The following SLC24A2 variants were observed in gnomAD, a reference collection of about 807,000 sequenced individuals.
SLC24A2 encodes the protein solute carrier family 24 member 2, also known as sodium/potassium/calcium exchanger 2.
A neutral mutation model predicts 62.0 loss-of-function variants in SLC24A2; 36 were observed. The observed-to-expected ratio is 0.58, with a 90% CI of 0.44 to 0.77. The LOEUF (loss-of-function observed/expected upper bound fraction) is 0.77. Among genes scored for constraint, SLC24A2 ranks in the 30% least tolerant of loss-of-function variants. The pLI, the probability that SLC24A2 is intolerant of heterozygous loss-of-function variation, is 0.00. For synonymous variants in SLC24A2, 358 were observed against 294.0 expected (o/e 1.22, Z -2.23); for missense variants, 846 against 817.9 (o/e 1.03, Z -0.42).
At chr9:19,756,481 T>C (rs1172035653) in intron 2 of SLC24A2, among the ~76,000 whole-genome samples, 1 of 152,238 alleles carries the variant, frequency 6.6e-6, no homozygotes, top group Admixed American at 6.5e-5. Context: ...CATGAGTGTA[T>C]TAATTTTCTA....
intron 7 of SLC24A2, among the ~76,000 whole-genome samples, chr9:19,559,835 C>G (rs911484576): frequency 6.6e-6 from 1 of 152,186 alleles, no homozygotes; most frequent in African/African-American, 2.4e-5. Flanking sequence ...TTAGTGGGAT[C>G]AGCATACTAA....
rs1036712538 is a variant in SLC24A2, at chr9:19,514,283, G to T, written c.*1870C>A. The T allele has an allele frequency of 1.3e-5, 2 of 152,108 alleles. No individual in the cohort carries two copies. Among genetic ancestry groups the T allele is most frequent in the African/African-American group, 4.8e-5 (2 of 41,430 alleles). The allele number at this position is 152,108 out of a possible 1,614,324, so 9.4% of individuals were successfully genotyped here. On this transcript the variant is annotated 3_prime_UTR_variant, in exon 11 of 11. Transcript: ENST00000341998. The stretch of plus-strand genomic sequence containing the variant: ...TGCATCCTGTCCTCTTATGTTAAGA[G>T]GTATGTGCTCACAACAAAATCATAG...
At chr9:19,541,868 C>T (rs546321870) in intron 8 of SLC24A2, among the ~76,000 whole-genome samples, 9 of 151,860 alleles carry the variant, frequency 5.9e-5, no homozygotes, top group Non-Finnish European at 8.8e-5. Flanking sequence ...ATTCCGTGGG[C>T]GTAGGACCCT....
intron 2 of SLC24A2, among the ~76,000 whole-genome samples, chr9:19,784,963 C>A (rs550203686): frequency 8.7e-4 from 131 of 151,132 alleles, no homozygotes; most frequent in African/African-American, 3.0e-3. Context: ...ACCCCCTGCT[C>A]AAATATCTGT....
chr9:19,706,810 T>C (rs1451451999), intron 2 of SLC24A2, among the ~76,000 whole-genome samples: 2 of 151,924 alleles, frequency 1.3e-5, no homozygotes, highest in Admixed American at 6.5e-5. Context: ...GCAGGAAAGA[T>C]CCAAAATTGA....
At chr9:19,563,867 T>G in intron 7 of SLC24A2, among the ~76,000 whole-genome samples, 1 of 123,156 alleles carries the variant, frequency 8.1e-6, no homozygotes. Context: ...CCTCCCTCCT[T>G]TCCTTTCGAT....
chr9:20,106,565 A>C, the SLC24A2 span, among the ~76,000 whole-genome samples: 1 of 152,230 alleles, frequency 6.6e-6, no homozygotes, highest in South Asian at 2.1e-4. Flanking sequence ...AATAAATGTA[A>C]TCCAGCATGT....
chr9:20,162,880 CACATG>C, the SLC24A2 span, among the ~76,000 whole-genome samples: 1 of 151,990 alleles, frequency 6.6e-6, no homozygotes, highest in African/African-American at 2.4e-5. Context: ...AGACAAAAAC[CACATG>C]ATTATCTCAA....
At chr9:20,090,910 T>C in the SLC24A2 span, among the ~76,000 whole-genome samples, 2 of 152,090 alleles carry the variant, frequency 1.3e-5, no homozygotes, top group South Asian at 2.1e-4. Flanking sequence ...ATGAAGATCA[T>C]TGAGATTCAG....
the SLC24A2 span, among the ~76,000 whole-genome samples, chr9:20,064,032 T>C: frequency 6.6e-5 from 10 of 152,200 alleles, no homozygotes; most frequent in Non-Finnish European, 1.3e-4. Context: ...TAAGTATTCA[T>C]AGCAGCATTA....
At chr9:20,191,162 T>C in the SLC24A2 span, among the ~76,000 whole-genome samples, 21 of 35,234 alleles carry the variant, frequency 6.0e-4, no homozygotes, top group African/African-American at 5.6e-4. Context: ...TTTCCGGACC[T>C]TTTTTTTTTT....
At chr9:20,158,202 A>G in the SLC24A2 span, among the ~76,000 whole-genome samples, 3 of 151,830 alleles carry the variant, frequency 2.0e-5, no homozygotes, top group Middle Eastern at 6.8e-3. Context: ...AGACAAAACC[A>G]TCTCATAAAT....
At chr9:20,017,611 C>A in the SLC24A2 span, among the ~76,000 whole-genome samples, 1 of 152,066 alleles carries the variant, frequency 6.6e-6, no homozygotes, top group Middle Eastern at 3.2e-3. Flanking sequence ...GAAGCCAGTG[C>A]GAGCCCCAAA....
At chr9:20,036,280 T>A in the SLC24A2 span, among the ~76,000 whole-genome samples, 1 of 152,222 alleles carries the variant, frequency 6.6e-6, no homozygotes, top group African/African-American at 2.4e-5. Context: ...AATAATTAAA[T>A]CAACCTAATT....
intron 2 of SLC24A2, among the ~76,000 whole-genome samples, chr9:19,654,483 T>C (rs1818888194): frequency 6.6e-6 from 1 of 152,168 alleles, no homozygotes; most frequent in Admixed American, 6.5e-5. Flanking sequence ...GCCCATTCGA[T>C]TGCTCCATTG....
the SLC24A2 span, among the ~76,000 whole-genome samples, chr9:20,150,936 A>G: frequency 6.6e-6 from 1 of 152,016 alleles, no homozygotes; most frequent in East Asian, 1.9e-4. Flanking sequence ...TATTTTCCAA[A>G]TTTTCTACAG....
chr9:19,836,077 G>T, the SLC24A2 span, among the ~76,000 whole-genome samples: 5 of 152,136 alleles, frequency 3.3e-5, no homozygotes, highest in African/African-American at 4.8e-5. Context: ...ATTCAAAGCA[G>T]TGTGTAGAGG....
chr9:19,526,982 C>T (rs955644130), intron 9 of SLC24A2, among the ~76,000 whole-genome samples: 1 of 152,128 alleles, frequency 6.6e-6, no homozygotes, highest in Non-Finnish European at 1.5e-5. Context: ...CAAACTCTTA[C>T]ATTTCAAACT....
the SLC24A2 span, among the ~76,000 whole-genome samples, chr9:20,116,317 TCTC>T: frequency 1.3e-5 from 2 of 152,116 alleles, no homozygotes; most frequent in Non-Finnish European, 1.5e-5. Flanking sequence ...ATCTTCCTCT[TCTC>T]TGAATGCCTG....
Sources: gnomAD v4.1 joint callset for allele counts (sites outside exome capture counted in the v4.1 genomes callset) on GRCh38, gnomAD v4.1.1 for gene constraint, MANE v1.5 for transcripts, NCBI Gene and HGNC (gene_info 2026-07-23, HGNC 2026-07-21) for gene names.